The following ABCA12 variants were observed in gnomAD, a reference collection of about 807,000 sequenced individuals.
The protein encoded by ABCA12 is glucosylceramide transporter ABCA12.
Under a neutral mutation model 293.5 loss-of-function variants are expected in ABCA12, and 156 were observed. That is an observed-to-expected ratio of 0.53 (90% CI 0.47 to 0.61). The LOEUF is 0.61. Ranked by LOEUF, ABCA12 falls within the 20% of genes least tolerant of loss-of-function variation. The probability of loss-of-function intolerance (pLI) is 0.00; values close to 1 mark genes in which losing one functional copy is unlikely to be tolerated. For missense variants in ABCA12, 2,797 were observed against 3,090.2 expected (o/e 0.91, Z 2.25); for synonymous variants, 1,063 against 1,108.0 (o/e 0.96, Z 0.81).
intron 11 of ABCA12, among the ~76,000 whole-genome samples, chr2:215,020,965 C>A (rs1700618197): frequency 6.6e-6 from 1 of 152,182 alleles, no homozygotes; most frequent in Admixed American, 6.5e-5. Flanking sequence ...CTCACCTTAG[C>A]CTCTCGAGTA....
chr2:215,055,886 T>C (rs1038019282), intron 3 of ABCA12, among the ~76,000 whole-genome samples: 27 of 152,088 alleles, frequency 1.8e-4, no homozygotes, highest in Non-Finnish European at 2.9e-4. Context: ...GGGAAAATTG[T>C]TCAGGTAAAA....
intron 3 of ABCA12, among the ~76,000 whole-genome samples, chr2:215,061,865 T>C (rs977796673): frequency 1.3e-5 from 2 of 152,036 alleles, no homozygotes; most frequent in Admixed American, 1.3e-4. Context: ...TGCAACCCCA[T>C]GAATTTGGTT....
At chr2:214,968,170 G>C (rs965969385) in intron 38 of ABCA12, among the ~76,000 whole-genome samples, 1 of 152,000 alleles carries the variant, frequency 6.6e-6, no homozygotes, top group African/African-American at 2.4e-5. Context: ...AACTATACAC[G>C]GGTTGAGAAA....
chr2:214,966,103 G>C (rs151239747), intron 39 of ABCA12, among the ~76,000 whole-genome samples: 2,143 of 152,272 alleles, frequency 0.014, 19 homozygotes, highest in Non-Finnish European at 0.022. Flanking sequence ...GATGGAGCTG[G>C]AAGCCATTAT....
intron 45 of ABCA12, among the ~76,000 whole-genome samples, chr2:214,950,253 C>T (rs1237474424): frequency 1.3e-5 from 2 of 151,824 alleles, no homozygotes; most frequent in African/African-American, 4.8e-5. Flanking sequence ...CTGTGGATTT[C>T]TGTGGATTTT....
At position 214,953,874 on chromosome 2, in the gene ABCA12, T is replaced by C. The variant is rs1253127914; in HGVS notation, c.6627A>G (p.Glu2209=). The change falls in exon 44 of 53, where the codon GAA becomes GAG. Residue 2209 remains glutamate, a synonymous_variant. Transcript: ENST00000272895. Reference sequence around the variant, plus strand: ...TTTACCTGAGTTTCTTTATCAGGGATTCGTTGATTAAGAGTCGCAAGGAAA... The same window carrying C: ...TTTACCTGAGTTTCTTTATCAGGGACTCGTTGATTAAGAGTCGCAAGGAAA... ...MFFSLRLLIN[E]SLIKKLRLFF... 5 of 1,613,974 alleles carry C rather than the reference T, an allele frequency of 3.1e-6. No homozygotes were observed. The highest frequency in any genetic ancestry group is 4.2e-6 in the Non-Finnish European group (5 of 1,179,940).
intron 8 of ABCA12, among the ~76,000 whole-genome samples, chr2:215,033,995 T>C (rs1168443604): frequency 6.6e-6 from 1 of 152,078 alleles, no homozygotes; most frequent in African/African-American, 2.4e-5. Context: ...TAGACACAGC[T>C]AAAAAAATTG....
chr2:215,061,012 A>G (rs1701517189), intron 3 of ABCA12, among the ~76,000 whole-genome samples: 1 of 152,024 alleles, frequency 6.6e-6, no homozygotes, highest in Middle Eastern at 3.2e-3. Context: ...TGTATGCTCT[A>G]GGGGATGATC....
chr2:215,043,070 G>C (rs1701131367), intron 7 of ABCA12, among the ~76,000 whole-genome samples: 1 of 151,860 alleles, frequency 6.6e-6, no homozygotes, highest in Admixed American at 6.6e-5. Context: ...ATCCCTGCCA[G>C]CATCTGTTAT....
intron 51 of ABCA12, among the ~76,000 whole-genome samples, chr2:214,936,701 T>C (rs927562243): frequency 6.6e-6 from 1 of 152,208 alleles, no homozygotes; most frequent in Non-Finnish European, 1.5e-5. Flanking sequence ...AGTCTAGAAC[T>C]TGAGGACTTG....
Position 214,932,441 on chromosome 2 carries a change from G to C in ABCA12, c.*193C>G. 1.7e-6 allele frequency: 1 copy of C among 590,590 alleles called. No individual in the cohort carries two copies. The highest frequency in any genetic ancestry group is 2.9e-5 in the East Asian group (1 of 34,190). 36.6% of individuals were successfully genotyped at this position (590,590 alleles called of 1,614,324 possible). On this transcript the variant is annotated 3_prime_UTR_variant, in exon 53 of 53. Coordinates refer to ENST00000272895, the MANE Select transcript of ABCA12 (RefSeq NM_173076.3). ...GAGTATACAGGAATTCATTTCAGTA[G>C]CAACAACACTCACTGACCTTAGAAG...
At chr2:214,959,890 G>A (rs1699065737) in intron 39 of ABCA12, among the ~76,000 whole-genome samples, 1 of 152,158 alleles carries the variant, frequency 6.6e-6, no homozygotes, top group Non-Finnish European at 1.5e-5. Context: ...AGGGTAAAGT[G>A]TGTACTGTCT....
chr2:215,065,516 A>ACCT (rs1701625409), intron 2 of ABCA12, among the ~76,000 whole-genome samples: 1 of 151,974 alleles, frequency 6.6e-6, no homozygotes, highest in Non-Finnish European at 1.5e-5. Flanking sequence ...GGAAAAAAAT[A>ACCT]AAGAAGGGAA....
intron 8 of ABCA12, among the ~76,000 whole-genome samples, chr2:215,034,974 T>A (rs1212608129): frequency 1.3e-5 from 2 of 152,176 alleles, no homozygotes; most frequent in African/African-American, 2.4e-5. Flanking sequence ...GGAGAAAGGA[T>A]GTTCATTTTC....
chr2:215,057,418 T>C (rs1543250), intron 3 of ABCA12, among the ~76,000 whole-genome samples: 97,470 of 151,780 alleles, frequency 0.64, 31,928 homozygotes, highest in African/African-American at 0.77. Context: ...GAGGCCCATA[T>C]TTTAGATGTA....
chr2:215,079,094 A>G lies in ABCA12; in HGVS notation c.164-14875T>C, dbSNP rs111438663. Among the ~76,000 whole-genome samples the G allele has an allele frequency of 7.5e-3, 1,147 of 152,286 alleles. 7 individuals are homozygous for G. The highest frequency in any genetic ancestry group is 0.037 in the Middle Eastern group (11 of 294). On this transcript the variant is annotated intron_variant, in intron 2 of 52. Coordinates refer to ENST00000272895, the MANE Select transcript of ABCA12 (RefSeq NM_173076.3). The stretch of plus-strand genomic sequence containing the variant: ...AGATGGCTTTTATTCTTTTAGCCTA[A>G]TGATATGGAGAAAAACAGAAGGATG...
chr2:215,078,263 C>A (rs1462742129), intron 2 of ABCA12, among the ~76,000 whole-genome samples: 1 of 152,184 alleles, frequency 6.6e-6, no homozygotes, highest in Non-Finnish European at 1.5e-5. Context: ...CCAGGGAAAA[C>A]AATCCCATTC....
intron 2 of ABCA12, among the ~76,000 whole-genome samples, chr2:215,110,545 C>G (rs1223258624): frequency 6.6e-6 from 1 of 152,076 alleles, no homozygotes; most frequent in East Asian, 1.9e-4. Flanking sequence ...AAATAAGGTA[C>G]TATTTAAATG....
At chr2:214,947,080 C>T (rs1698604503) in intron 48 of ABCA12, among the ~76,000 whole-genome samples, 1 of 152,118 alleles carries the variant, frequency 6.6e-6, no homozygotes, top group Non-Finnish European at 1.5e-5. Context: ...ATGATTTCTT[C>T]AATAGGTGGG....
Sources: gnomAD v4.1 joint callset for allele counts (sites outside exome capture counted in the v4.1 genomes callset) on GRCh38, gnomAD v4.1.1 for gene constraint, MANE v1.5 for transcripts, NCBI Gene and HGNC (gene_info 2026-07-23, HGNC 2026-07-21) for gene names.